The following RGS22 variants were observed in gnomAD, a reference collection of about 807,000 sequenced individuals.
RGS22 encodes the protein regulator of G-protein signaling 22.
Under a neutral mutation model 172.9 loss-of-function variants are expected in RGS22, and 148 were observed. The observed-to-expected ratio is 0.86, with a 90% confidence interval of 0.75 to 0.98. RGS22 has a LOEUF of 0.98. RGS22 is among the 50% of genes least tolerant of loss of function. RGS22 has a pLI of 0.00. For synonymous variants in RGS22, 458 were observed against 480.2 expected, an observed-to-expected ratio of 0.95 and a Z score of 0.60; for missense variants, 1,347 against 1,440.8, an observed-to-expected ratio of 0.93 and a Z score of 1.05.
intron 9 of RGS22, among the ~76,000 whole-genome samples, chr8:100,060,413 T>C (rs1051185173): frequency 1.5e-5 from 2 of 133,374 alleles, no homozygotes; most frequent in Admixed American, 7.9e-5. Flanking sequence ...TATATATATA[T>C]ATATATATAC....
In RGS22 at chr8:99,962,779, TAA is replaced by T. The variant is rs781250191; in HGVS notation, c.3710-14_3710-13del. On this transcript the variant is annotated splice_polypyrimidine_tract_variant and intron_variant, in intron 25 of 27. Coordinates refer to ENST00000360863, the MANE Select transcript of RGS22 (RefSeq NM_015668.5). ...GAGAGGTTGCAAGCCTGCACAAAAA[TAA>T]AAGAGATAAGAAAAACAGTAAAGTA... The T allele has an allele frequency of 3.1e-6, 5 of 1,594,194 alleles. No individual in the cohort carries two copies. In the South Asian group the frequency reaches 4.6e-5, roughly 15 times the overall value.
intron 14 of RGS22, chr8:100,024,101 G>A (rs1035788718): frequency 6.6e-6 from 1 of 152,170 alleles, no homozygotes; most frequent in Non-Finnish European, 1.5e-5. Flanking sequence ...TGAGTAGCTG[G>A]GATTATAGGC....
chr8:99,964,039 G>A lies in RGS22; in HGVS notation c.3616-1061C>T, dbSNP rs901436498. On this transcript the variant is annotated intron_variant, in intron 24 of 27. Coordinates refer to ENST00000360863, the MANE Select transcript of RGS22 (RefSeq NM_015668.5). Reference sequence around the variant, plus strand: ...ATCTTGAATATGACAAGATAGCATCGTCATCACCACCATCATCATCATCAT... The same window carrying A: ...ATCTTGAATATGACAAGATAGCATCATCATCACCACCATCATCATCATCAT... Among the ~76,000 whole-genome samples, 8 of 151,774 alleles carry A rather than the reference G, an allele frequency of 5.3e-5. No individual in the cohort carries two copies. In the East Asian group the frequency reaches 5.8e-4, roughly 11 times the overall value.
chr8:99,978,177 C>T (rs916911047), intron 22 of RGS22, 102 bp from the exon 23 acceptor site: 5 of 607,196 alleles, frequency 8.2e-6, no homozygotes, highest in Non-Finnish European at 1.3e-5. Context: ...TAATATATAC[C>T]ATGTTTGCTC....
intron 9 of RGS22, among the ~76,000 whole-genome samples, chr8:100,059,794 T>C (rs1053376296): frequency 6.6e-6 from 1 of 152,232 alleles, no homozygotes; most frequent in Non-Finnish European, 1.5e-5. Context: ...GATATTGTAC[T>C]ATAGTTATGC....
At chr8:100,080,439 T>C (rs1421974745) in intron 3 of RGS22, 84 bp from the exon 4 acceptor site, 1 of 884,400 alleles carries the variant, frequency 1.1e-6, no homozygotes, top group Non-Finnish European at 1.7e-6. Flanking sequence ...TTTACATACA[T>C]GCATGCATAC....
In RGS22 at chr8:100,071,434, G is replaced by T; in HGVS notation, c.529C>A (p.Pro177Thr). The T allele has an allele frequency of 1.2e-6, 2 of 1,613,316 alleles. No individual in the cohort carries two copies. The highest frequency in any genetic ancestry group is 2.2e-5 in the South Asian group (2 of 90,996). The change falls in exon 6 of 28, where the codon CCA becomes ACA. Residue 177 changes from proline to threonine, a missense_variant. Pro to Thr is a conservative substitution (Grantham distance 38). Coordinates refer to ENST00000360863, the MANE Select transcript of RGS22 (RefSeq NM_015668.5). ...PWIVKKPPSLPPPATEEDNLV... is the reference protein window; with the variant it reads ...PWIVKKPPSLTPPATEEDNLV... ...TTATCTTCTTCAGTGGCAGGAGGTG[G>T]TAGACTGGGTGGTTTTTTCACGATC...
chr8:100,090,771 A>C (rs1812518253), intron 3 of RGS22, among the ~76,000 whole-genome samples: 1 of 152,168 alleles, frequency 6.6e-6, no homozygotes, highest in Non-Finnish European at 1.5e-5. Context: ...TTCATGTTTG[A>C]GAAGCATAAA....
intron 2 of RGS22, among the ~76,000 whole-genome samples, chr8:100,096,163 GTCACTC>G (rs1229266639): frequency 3.9e-5 from 6 of 152,146 alleles, no homozygotes; most frequent in African/African-American, 1.4e-4. Flanking sequence ...AAGTAGCTCA[GTCACTC>G]TCAAAGAGTT....
In RGS22 at chr8:100,004,066, T is replaced by TA; in HGVS notation, c.2486dup (p.Leu829PhefsTer5). On this transcript the variant is annotated frameshift_variant, in exon 17 of 28. Coordinates refer to ENST00000360863, the MANE Select transcript of RGS22 (RefSeq NM_015668.5). LOFTEE classifies it high-confidence loss of function. ...TTCGTTTAGAGACGTTAGAGAGTGA[T>TA]AAAATGCCAGTTCCAATTTCACAAG... 6.2e-7 allele frequency: 1 copy of TA among 1,603,004 alleles called. No individual in the cohort carries two copies. The highest frequency in any genetic ancestry group is 8.5e-7 in the Non-Finnish European group (1 of 1,174,174).
chr8:100,063,691 A>T lies in RGS22; in HGVS notation c.1077T>A (p.Ser359=). ...TKVSFDDCFE[S]IHGKNFLSEL... ...CACTTAAAAAATTCTTGCCATGAAT[A>T]GACTCAAAACAATCATCAAATGACA... The change falls in exon 8 of 28, where the codon TCT becomes TCA. Residue 359 remains serine, a synonymous_variant. Transcript: ENST00000360863. 1 of 1,614,072 alleles carries T rather than the reference A, an allele frequency of 6.2e-7. No individual in the cohort carries two copies. Among genetic ancestry groups the T allele is most frequent in the Non-Finnish European group, 8.5e-7 (1 of 1,179,970 alleles).
In RGS22 at chr8:99,982,082, A is replaced by G; in HGVS notation, c.3215T>C (p.Ile1072Thr). 1 of 1,613,626 alleles carries G rather than the reference A, an allele frequency of 6.2e-7. No homozygotes were observed. The highest frequency in any genetic ancestry group is 8.5e-7 in the Non-Finnish European group (1 of 1,179,728). The stretch of plus-strand genomic sequence containing the variant: ...GATAATAGTTGTAATCTTCTTCTGG[A>G]TGACAGACTCATCACAATGAGAATG... ...LCHSHCDESV[I>T]QKKITTIINC... Residue 1072 changes from isoleucine (I) to threonine (T), a missense_variant, in exon 22 of 28, where the codon ATC becomes ACC. Coordinates refer to ENST00000360863, the MANE Select transcript of RGS22 (RefSeq NM_015668.5).
chr8:100,087,491 A>G lies in RGS22; in HGVS notation c.117+5956T>C, dbSNP rs181902805. 6.6e-4 allele frequency among the ~76,000 whole-genome samples: 101 copies of G among 152,258 alleles called. 1 individual carries two copies. The East Asian group carries it at 0.016, about 24-fold the overall frequency. ...TACCAGAGTAAATTGCTGGTTCCAC[A>G]TTTCTTTGAAAAGGGGAGAGAAAAA... On this transcript the variant is annotated intron_variant, in intron 3 of 27. Coordinates refer to ENST00000360863, the MANE Select transcript of RGS22 (RefSeq NM_015668.5).
intron 2 of RGS22, among the ~76,000 whole-genome samples, chr8:100,098,862 A>ATTTAT (rs1205135976): frequency 0.06 from 3,230 of 54,258 alleles, 89 homozygotes; most frequent in East Asian, 0.096. Flanking sequence ...TTATTATTTT[A>ATTTAT]TTTATTTTAT....
rs756020163 is a variant in RGS22, at chr8:100,047,476, C to A, written c.1810G>T (p.Val604Leu). 11 of 1,598,556 alleles carry A rather than the reference C, an allele frequency of 6.9e-6. No individual in the cohort carries two copies. The highest frequency in any genetic ancestry group is 3.5e-5 in the Admixed American group (2 of 57,050). The change falls in exon 11 of 28, where the codon GTG becomes TTG. Residue 604 changes from valine (V) to leucine (L), a missense_variant. Physicochemically the swap from Val to Leu is conservative, Grantham distance 32 (BLOSUM62 1). Transcript: ENST00000360863. ...LLYPGSSKDD[V>L]IEKGSKYMSE... ...AGTTGCACCTACCCTTTCTCAATCA[C>A]ATCATCCTTAGAAGAACCTGGATAC... is the stretch of plus-strand genomic sequence containing the variant.
At chr8:100,073,494 G>A (rs1300656993) in intron 4 of RGS22, among the ~76,000 whole-genome samples, 2 of 151,294 alleles carry the variant, frequency 1.3e-5, no homozygotes, top group African/African-American at 4.8e-5. Context: ...CATAATGAAA[G>A]AATAGAAGAA....
intron 8 of RGS22, among the ~76,000 whole-genome samples, chr8:100,063,049 T>C (rs1810269333): frequency 6.6e-6 from 1 of 152,188 alleles, no homozygotes; most frequent in Non-Finnish European, 1.5e-5. Context: ...GGAGAGTAGG[T>C]GTCTATTTTA....
chr8:100,006,416 T>C (rs1252903644), intron 15 of RGS22, among the ~76,000 whole-genome samples: 1 of 152,176 alleles, frequency 6.6e-6, no homozygotes, highest in Non-Finnish European at 1.5e-5. Context: ...TATAACTTGA[T>C]AATAGTCATG....
intron 14 of RGS22, among the ~76,000 whole-genome samples, chr8:100,031,670 A>G (rs1818828111): frequency 6.6e-6 from 1 of 152,074 alleles, no homozygotes; most frequent in Non-Finnish European, 1.5e-5. Context: ...GGAGAGTGAT[A>G]GATTCTAAAT....
Sources: gnomAD v4.1 joint callset for allele counts (sites outside exome capture counted in the v4.1 genomes callset) on GRCh38, gnomAD v4.1.1 for gene constraint, MANE v1.5 for transcripts, NCBI Gene and HGNC (gene_info 2026-07-23, HGNC 2026-07-21) for gene names.